Variants in VPS35L observed in about 807,000 individuals in gnomAD.
VPS35L encodes the protein VPS35 endosomal protein-sorting factor-like.
A neutral mutation model predicts 133.0 loss-of-function variants in VPS35L; 83 were observed. That is an observed-to-expected ratio of 0.62 (90% CI 0.52 to 0.75). VPS35L has a LOEUF of 0.75. Ranked by LOEUF, VPS35L falls within the 30% of genes least tolerant of loss-of-function variation. The pLI is 0.00. For synonymous variants in VPS35L, 423 were observed against 449.9 expected, an observed-to-expected ratio of 0.94 and a Z score of 0.76; for missense variants, 1,083 against 1,206.8, an observed-to-expected ratio of 0.90 and a Z score of 1.52.
At chr16:19,562,199 A>G (rs529283123) in intron 1 of VPS35L, among the ~76,000 whole-genome samples, 1 of 152,306 alleles carries the variant, frequency 6.6e-6, no homozygotes, top group East Asian at 1.9e-4. Flanking sequence ...AATAGGGGAC[A>G]GAGATTGGCC....
At chr16:19,659,934 TGA>T (rs1428721933) in intron 26 of VPS35L, among the ~76,000 whole-genome samples, 1 of 152,148 alleles carries the variant, frequency 6.6e-6, no homozygotes, top group Non-Finnish European at 1.5e-5. Flanking sequence ...TTGTATACCT[TGA>T]GAGAGAGTGA....
chr16:19,692,492 G>A (rs557599213), intron 29 of VPS35L, among the ~76,000 whole-genome samples: 178 of 152,140 alleles, frequency 1.2e-3, no homozygotes, highest in Non-Finnish European at 2.1e-3. Flanking sequence ...ATTCTAACCC[G>A]GATTCCCAAA....
At chr16:19,640,508 A>G (rs1334401645) in intron 21 of VPS35L, among the ~76,000 whole-genome samples, 2 of 152,236 alleles carry the variant, frequency 1.3e-5, no homozygotes, top group African/African-American at 4.8e-5. Context: ...TTTTAAGGAT[A>G]CAAATCAGGA....
In VPS35L at chr16:19,686,815, C is replaced by T. The variant is rs571507968; in HGVS notation, c.2527+4425C>T. Among the ~76,000 whole-genome samples the T allele has an allele frequency of 2.6e-5, 4 of 152,204 alleles. No homozygotes were observed. In the South Asian group the frequency reaches 8.3e-4, roughly 32 times the overall value. On this transcript the variant is annotated intron_variant, in intron 28 of 30. Transcript: ENST00000417362. The stretch of plus-strand genomic sequence containing the variant: ...TCACCCCTTTTCCCACTTCTGCTAG[C>T]GAATTCCACCTTTAGGACTCAGTCC...
At chr16:19,687,264 G>A (rs1975495060) in intron 28 of VPS35L, among the ~76,000 whole-genome samples, 1 of 152,212 alleles carries the variant, frequency 6.6e-6, no homozygotes, top group Non-Finnish European at 1.5e-5. Flanking sequence ...CAGAATCAAA[G>A]TGAACTCCAA....
intron 1 of VPS35L, among the ~76,000 whole-genome samples, chr16:19,556,324 G>A (rs1034458771): frequency 2.0e-5 from 3 of 146,578 alleles, no homozygotes; most frequent in Non-Finnish European, 4.4e-5. Context: ...AGAAGGGAGT[G>A]ATTATCCCCA....
At chr16:19,679,579 C>A (rs1239833462) in intron 27 of VPS35L, among the ~76,000 whole-genome samples, 1 of 151,502 alleles carries the variant, frequency 6.6e-6, no homozygotes, top group Non-Finnish European at 1.5e-5. Context: ...GATCTCTGCT[C>A]GCTCATCCTC....
At chr16:19,690,807 TAAAAA>T (rs534630057) in intron 28 of VPS35L, among the ~76,000 whole-genome samples, 3 of 151,130 alleles carry the variant, frequency 2.0e-5, no homozygotes, top group African/African-American at 7.3e-5. Flanking sequence ...AAGAATAAAT[TAAAAA>T]AATAGCCAGG....
At chr16:19,618,196 A>G (rs1972960008) in intron 14 of VPS35L, 1 of 152,330 alleles carries the variant, frequency 6.6e-6, no homozygotes, top group African/African-American at 2.4e-5. Flanking sequence ...GAGCAAAGCA[A>G]AGTTGAAAGA....
chr16:19,658,785 G>T (rs1175357314), intron 26 of VPS35L, among the ~76,000 whole-genome samples: 1 of 152,142 alleles, frequency 6.6e-6, no homozygotes, highest in Non-Finnish European at 1.5e-5. Flanking sequence ...TTGAGGCCTG[G>T]AGGCTGAGAA....
At chr16:19,671,021 C>T (rs1361837515) in intron 27 of VPS35L, among the ~76,000 whole-genome samples, 1 of 152,150 alleles carries the variant, frequency 6.6e-6, no homozygotes, top group Admixed American at 6.6e-5. Flanking sequence ...CAAAGCACAG[C>T]AGTTATTAAG....
intron 26 of VPS35L, 41 bp downstream of exon 26, chr16:19,652,131 C>T (rs1482886415): frequency 7.3e-7 from 1 of 1,363,554 alleles, no homozygotes; most frequent in Non-Finnish European, 1.0e-6. Context: ...TCCCTTGCTG[C>T]TTAGGAAAAC....
chr16:19,664,737 TA>T (rs1185744920), intron 26 of VPS35L, among the ~76,000 whole-genome samples: 1 of 151,770 alleles, frequency 6.6e-6, no homozygotes, highest in Non-Finnish European at 1.5e-5. Context: ...CCATCTCTAC[TA>T]AAAATACAAA....
intron 4 of VPS35L, 84 bp downstream of exon 4, chr16:19,573,325 C>T (rs1567391097): frequency 1.7e-5 from 24 of 1,396,350 alleles, no homozygotes; most frequent in Non-Finnish European, 2.3e-5. Context: ...CTCCTGGGCT[C>T]TGTAAGTTTC....
intron 1 of VPS35L, among the ~76,000 whole-genome samples, chr16:19,563,440 G>A (rs374295711): frequency 9.2e-5 from 14 of 152,136 alleles, no homozygotes; most frequent in African/African-American, 2.9e-4. Context: ...TGTTTCTTGA[G>A]TCTGTAGCTT....
At chr16:19,687,480 T>C (rs1440067185) in intron 28 of VPS35L, among the ~76,000 whole-genome samples, 3 of 152,198 alleles carry the variant, frequency 2.0e-5, no homozygotes, top group Non-Finnish European at 2.9e-5. Context: ...CAGAGCCGGC[T>C]TGGAAATTCT....
At chr16:19,616,029 A>T in intron 12 of VPS35L, 85 bp from the exon 13 acceptor site, 1 of 744,104 alleles carries the variant, frequency 1.3e-6, no homozygotes, top group Non-Finnish European at 2.1e-6. Flanking sequence ...CTATAAACAT[A>T]GGTATATATA....
intron 8 of VPS35L, among the ~76,000 whole-genome samples, chr16:19,599,305 T>C (rs942068659): frequency 1.3e-5 from 2 of 152,170 alleles, no homozygotes; most frequent in Non-Finnish European, 2.9e-5. Flanking sequence ...CATCCACATA[T>C]TTTCAATAGT....
intron 7 of VPS35L, among the ~76,000 whole-genome samples, chr16:19,588,712 C>A (rs1364859670): frequency 6.6e-6 from 1 of 151,808 alleles, no homozygotes; most frequent in African/African-American, 2.4e-5. Context: ...TGGCTCTGTT[C>A]TTTTTTCACT....
Sources: allele counts gnomAD v4.1 joint callset (sites outside exome capture counted in the v4.1 genomes callset), GRCh38; gene constraint gnomAD v4.1.1; transcripts MANE v1.5; gene names NCBI Gene and HGNC (gene_info 2026-07-23, HGNC 2026-07-21).